The following PFKP variants were observed in gnomAD, a reference collection of about 807,000 sequenced individuals.
PFKP encodes ATP-dependent 6-phosphofructokinase, platelet type.
In PFKP, 101 loss-of-function variants were observed where a neutral mutation model predicts 94.3. The observed-to-expected ratio is 1.07, with a 90% CI of 0.91 to 1.26. The LOEUF (loss-of-function observed/expected upper bound fraction) is 1.26, where lower values mean the gene tolerates loss of function less well. Ranked by LOEUF, PFKP falls within the 50% of genes most tolerant of loss-of-function variation. The pLI is 0.00. For missense variants in PFKP, 1,145 were observed against 1,103.3 expected (o/e 1.04, Z -0.53); for synonymous variants, 573 against 432.6 (o/e 1.32, Z -4.03).
chr10:3,093,766 C>T (rs1009477081), intron 2 of PFKP, among the ~76,000 whole-genome samples: 1 of 151,670 alleles, frequency 6.6e-6, no homozygotes, highest in African/African-American at 2.4e-5. Flanking sequence ...GCCTCAGCCT[C>T]CCGAGCAGCT....
chr10:3,113,230 GGCCTCCCCTC>G, intron 12 of PFKP, 42 bp downstream of exon 12: 1 of 1,598,012 alleles, frequency 6.3e-7, no homozygotes, highest in Non-Finnish European at 8.5e-7. Context: ...CTCTCCTGCG[GGCCTCCCCTC>G]ATGGCCTCTG....
At chr10:3,133,090 T>C in intron 18 of PFKP, 113 bp from the exon 19 acceptor site, 1 of 750,684 alleles carries the variant, frequency 1.3e-6, no homozygotes, top group Non-Finnish European at 2.4e-6. Flanking sequence ...TGATGTAGAA[T>C]CACCATAGGG....
chr10:3,119,868 A>G, intron 15 of PFKP, 24 bp from the exon 16 acceptor site: 1 of 1,612,672 alleles, frequency 6.2e-7, no homozygotes, highest in Non-Finnish European at 8.5e-7. Context: ...CTCTCGCCCC[A>G]CAACTCCCAC....
At chr10:3,133,057 C>A in intron 18 of PFKP, 146 bp from the exon 19 acceptor site, 1 of 669,748 alleles carries the variant, frequency 1.5e-6, no homozygotes. Context: ...GAAAGCAAAA[C>A]CGTGAACTGG....
chr10:3,073,477 C>T (rs1043836808), intron 1 of PFKP, among the ~76,000 whole-genome samples: 1 of 145,318 alleles, frequency 6.9e-6, no homozygotes. Flanking sequence ...CTGAGTGAGG[C>T]TCCGACTCTC....
chr10:3,103,906 C>A lies in PFKP; in HGVS notation c.582C>A (p.Ile194=). Residue 194 remains isoleucine, a synonymous_variant, in exon 5 of 22, where the codon ATC becomes ATA. Coordinates refer to ENST00000381125, the MANE Select transcript of PFKP (RefSeq NM_002627.5). ...TIGTDSALHR[I]IEVVDAIMTT... ...GCACGGACTCCGCCCTGCACAGGAT[C>A]ATCGAGGTCGTCGACGCCATCATGA... 6.2e-7 allele frequency: 1 copy of A among 1,613,878 alleles called. No individual in the cohort carries two copies. Among genetic ancestry groups the A allele is most frequent in the Non-Finnish European group, 8.5e-7 (1 of 1,180,038 alleles).
chr10:3,091,099 CA>C (rs576678003), intron 2 of PFKP, among the ~76,000 whole-genome samples: 79 of 152,094 alleles, frequency 5.2e-4, no homozygotes, highest in Non-Finnish European at 1.0e-3. Context: ...AAACCTGGGC[CA>C]AGCCTACGTG....
At chr10:3,109,203 G>A (rs1285141729) in intron 9 of PFKP, 152 bp from the exon 10 acceptor site, 2 of 983,786 alleles carry the variant, frequency 2.0e-6, no homozygotes, top group Admixed American at 1.9e-5. Flanking sequence ...TTCTAAAGGA[G>A]TGGAAATCGC....
At chr10:3,121,041 C>A (rs750140981) in intron 16 of PFKP, among the ~76,000 whole-genome samples, 2 of 151,502 alleles carry the variant, frequency 1.3e-5, no homozygotes, top group African/African-American at 2.4e-5. Flanking sequence ...TGGCATGAAA[C>A]TTATTTCTAG....
chr10:3,097,058 A>G (rs1834541539), intron 2 of PFKP, among the ~76,000 whole-genome samples: 2 of 95,812 alleles, frequency 2.1e-5, no homozygotes, highest in Admixed American at 1.9e-4. Context: ...AGCCTGGGTG[A>G]CACAGCGAGA....
chr10:3,108,382 A>C (rs1483388696), intron 8 of PFKP, among the ~76,000 whole-genome samples: 1 of 152,254 alleles, frequency 6.6e-6, no homozygotes, highest in African/African-American at 2.4e-5. Flanking sequence ...AAATATAAGT[A>C]ATAGTTTAAA....
chr10:3,103,470 G>A (rs747612418), intron 4 of PFKP, among the ~76,000 whole-genome samples: 9 of 152,138 alleles, frequency 5.9e-5, no homozygotes, highest in Non-Finnish European at 1.0e-4. Context: ...AACATAGAGT[G>A]TGGGTCTACA....
At chr10:3,134,633 C>CATCA in intron 20 of PFKP, 51 bp downstream of exon 20, 1 of 1,210,492 alleles carries the variant, frequency 8.3e-7, no homozygotes, top group Non-Finnish European at 1.2e-6. Flanking sequence ...GGCCGTCCTG[C>CATCA]CTTGGTGAAA....
intron 1 of PFKP, among the ~76,000 whole-genome samples, chr10:3,079,218 G>T (rs1832827239): frequency 6.8e-6 from 1 of 147,918 alleles, no homozygotes; most frequent in Non-Finnish European, 1.5e-5. Flanking sequence ...GTCTCCTGGG[G>T]TCACCTTGTG....
intron 2 of PFKP, among the ~76,000 whole-genome samples, chr10:3,088,310 A>G (rs111485841): frequency 1.3e-5 from 2 of 152,086 alleles, no homozygotes; most frequent in South Asian, 2.1e-4. Context: ...CCATGTCCCT[A>G]CAAAGGACAT....
At chr10:3,116,913 G>A in intron 14 of PFKP, 67 bp downstream of exon 14, 2 of 1,246,896 alleles carry the variant, frequency 1.6e-6, no homozygotes, top group Non-Finnish European at 2.4e-6. Context: ...TTCTGGGAGA[G>A]AATCGCTGGG....
At position 3,132,386 on chromosome 10, in the gene PFKP, G is replaced by A. The variant is rs1471278887; in HGVS notation, c.1855G>A (p.Val619Met). 1.9e-6 allele frequency: 3 copies of A among 1,609,894 alleles called. No homozygotes were observed. Among genetic ancestry groups the A allele is most frequent in the South Asian group, 1.1e-5 (1 of 90,998 alleles). ...PFDIRDLQSNVEHLTEKMKTT... is the reference protein window; with the variant it reads ...PFDIRDLQSNMEHLTEKMKTT... ...ACAAAATACTCTCTTCCAGTCCAACGTGGAGCACCTGACGGAGAAAATGAA... is the reference window on the plus strand; with the variant it reads ...ACAAAATACTCTCTTCCAGTCCAACATGGAGCACCTGACGGAGAAAATGAA... The change falls in exon 18 of 22, where the codon GTG becomes ATG. Residue 619 changes from valine to methionine, a missense_variant. Coordinates refer to ENST00000381125, the MANE Select transcript of PFKP (RefSeq NM_002627.5).
intron 4 of PFKP, among the ~76,000 whole-genome samples, chr10:3,102,009 T>G (rs1044930100): frequency 6.6e-6 from 1 of 150,602 alleles, no homozygotes; most frequent in African/African-American, 2.4e-5. Context: ...CCCAGCACTT[T>G]GGGAGGCCGA....
chr10:3,081,977 C>CTTTTTTTT lies in PFKP; in HGVS notation c.113-386_113-379dup, dbSNP rs547880338. Among the ~76,000 whole-genome samples, 566 of 68,384 alleles carry CTTTTTTTT rather than the reference C, an allele frequency of 8.3e-3. 37 individuals carry two copies. The highest frequency in any genetic ancestry group is 0.026 in the Middle Eastern group (2 of 78). 44.9% of individuals were successfully genotyped at this position (68,384 alleles called of 152,430 possible). ...CTTGTTTTCTGTTGAAGCCCATTGC[C>CTTTTTTTT]TTTTTTTTTTTTTTTTTTTTTTTTT... is the stretch of plus-strand genomic sequence containing the variant. On this transcript the variant is annotated intron_variant, in intron 1 of 21. Transcript: ENST00000381125.
Sources: allele counts gnomAD v4.1 joint callset (sites outside exome capture counted in the v4.1 genomes callset), GRCh38; gene constraint gnomAD v4.1.1; transcripts MANE v1.5; gene names NCBI Gene and HGNC (gene_info 2026-07-23, HGNC 2026-07-21).